PPP1R12B: variants seen among roughly 807,000 people sequenced by gnomAD.
PPP1R12B encodes the protein protein phosphatase 1 regulatory subunit 12B.
A neutral mutation model predicts 126.1 loss-of-function variants in PPP1R12B; 76 were observed. That is an observed-to-expected ratio of 0.60 (90% CI 0.50 to 0.73). The LOEUF is 0.73. PPP1R12B is among the 30% of genes least tolerant of loss of function. PPP1R12B has a pLI of 0.00. For missense variants in PPP1R12B, 1,052 were observed against 1,205.1 expected, an observed-to-expected ratio of 0.87 and a Z score of 1.88; for synonymous variants, 356 against 434.7, an observed-to-expected ratio of 0.82 and a Z score of 2.25.
intron 20 of PPP1R12B, among the ~76,000 whole-genome samples, chr1:202,563,309 A>T (rs1474744411): frequency 6.6e-6 from 1 of 152,020 alleles, no homozygotes; most frequent in African/African-American, 2.4e-5. Flanking sequence ...TGGAGATTGG[A>T]TCTCACTATA....
intron 13 of PPP1R12B, among the ~76,000 whole-genome samples, chr1:202,463,955 A>G (rs1341113907): frequency 6.6e-6 from 1 of 152,034 alleles, no homozygotes; most frequent in African/African-American, 2.4e-5. Context: ...GATTAGGCCT[A>G]TTTCCTGTAC....
chr1:202,411,214 C>G (rs1383173940), intron 1 of PPP1R12B, among the ~76,000 whole-genome samples: 1 of 150,220 alleles, frequency 6.7e-6, no homozygotes, highest in African/African-American at 2.5e-5. Context: ...CTATATGTCT[C>G]TCATCCATGC....
chr1:202,357,086 A>T lies in PPP1R12B; in HGVS notation c.291+7944A>T, dbSNP rs773986125. On this transcript the variant is annotated intron_variant, in intron 1 of 23. Coordinates refer to ENST00000608999, the MANE Select transcript of PPP1R12B (RefSeq NM_002481.4). ...ATCCACCCGCCTTGGCCTCCCAAGG[A>T]TTACAGGTGTGAGCCACTGGGGATT... is the stretch of plus-strand genomic sequence containing the variant. 3.3e-5 allele frequency among the ~76,000 whole-genome samples: 5 copies of T among 152,134 alleles called. 1 individual carries two copies. In the South Asian group the frequency reaches 1.0e-3, roughly 32 times the overall value.
At chr1:202,433,797 A>C (rs1007803668) in intron 8 of PPP1R12B, among the ~76,000 whole-genome samples, 1 of 152,114 alleles carries the variant, frequency 6.6e-6, no homozygotes, top group Admixed American at 6.5e-5. Context: ...CTTCTACCCC[A>C]CGACTGTTCT....
chr1:202,562,350 C>G (rs1687614843), intron 19 of PPP1R12B, among the ~76,000 whole-genome samples: 1 of 152,200 alleles, frequency 6.6e-6, no homozygotes, highest in South Asian at 2.1e-4. Context: ...TATTCAACCT[C>G]CAGCTCAGAT....
intron 22 of PPP1R12B, among the ~76,000 whole-genome samples, chr1:202,568,169 T>TAC (rs112151278): frequency 0.21 from 30,275 of 147,312 alleles, 3,079 homozygotes; most frequent in South Asian, 0.32. Flanking sequence ...AATCATTGCA[T>TAC]ACACACACAC....
intron 1 of PPP1R12B, among the ~76,000 whole-genome samples, chr1:202,382,647 G>T (rs554011603): frequency 1.3e-5 from 2 of 151,794 alleles, no homozygotes; most frequent in South Asian, 4.2e-4. Context: ...GAGGCTGAGG[G>T]GGGTGGATCA....
chr1:202,493,991 G>C (rs1266887175), intron 15 of PPP1R12B, among the ~76,000 whole-genome samples: 1 of 152,028 alleles, frequency 6.6e-6, no homozygotes, highest in Non-Finnish European at 1.5e-5. Flanking sequence ...TTATATTTAG[G>C]GTGAACATAA....
Position 202,442,487 on chromosome 1 carries a change from C to T in PPP1R12B, c.1582C>T (p.Arg528Trp), listed in dbSNP as rs149308182. The T allele has an allele frequency of 1.1e-5, 18 of 1,613,538 alleles. No homozygotes were observed. Among genetic ancestry groups the T allele is most frequent in the South Asian group, 2.2e-5 (2 of 91,018 alleles). ...TCTAGTGAGGAGTGGCTCCTATACCCGGCAGCTATGGAGGGATGAAGCAAA... is the reference window on the plus strand; with the variant it reads ...TCTAGTGAGGAGTGGCTCCTATACCTGGCAGCTATGGAGGGATGAAGCAAA... ...VNLVRSGSYT[R>W]QLWRDEAKGN... Residue 528 changes from arginine (R) to tryptophan (W), a missense_variant, in exon 12 of 24, where the codon CGG becomes TGG. Physicochemically the swap from Arg to Trp is moderately radical, Grantham distance 101. Coordinates refer to ENST00000608999, the MANE Select transcript of PPP1R12B (RefSeq NM_002481.4).
intron 13 of PPP1R12B, among the ~76,000 whole-genome samples, chr1:202,453,262 G>T (rs1240864440): frequency 6.6e-6 from 1 of 151,972 alleles, no homozygotes; most frequent in African/African-American, 2.4e-5. Flanking sequence ...CTTTCATTCT[G>T]TCAATATGAT....
chr1:202,470,902 T>C (rs1675775049), intron 13 of PPP1R12B, among the ~76,000 whole-genome samples: 2 of 118,498 alleles, frequency 1.7e-5, no homozygotes, highest in Admixed American at 1.0e-4. Flanking sequence ...CAAGACCTCA[T>C]CTCAAAAAAA....
intron 1 of PPP1R12B, among the ~76,000 whole-genome samples, chr1:202,400,872 T>G (rs987136863): frequency 6.6e-6 from 1 of 152,228 alleles, no homozygotes; most frequent in African/African-American, 2.4e-5. Context: ...ATTCAAACTT[T>G]CTGGCCAATG....
intron 18 of PPP1R12B, among the ~76,000 whole-genome samples, chr1:202,515,017 T>C (rs1451125836): frequency 6.6e-6 from 1 of 152,188 alleles, no homozygotes; most frequent in Non-Finnish European, 1.5e-5. Flanking sequence ...CTGGAAGCCA[T>C]TATCCTTAGC....
In PPP1R12B at chr1:202,421,589, G is replaced by A. The variant is rs1558203271; in HGVS notation, c.423-1031G>A. On this transcript the variant is annotated intron_variant, in intron 2 of 23. Coordinates refer to ENST00000608999, the MANE Select transcript of PPP1R12B (RefSeq NM_002481.4). ...TGGAACGTGGAGGTTGCAGTGAGCCGAGATCGCACCATTGCACTCCAGCCT... is the reference window on the plus strand; with the variant it reads ...TGGAACGTGGAGGTTGCAGTGAGCCAAGATCGCACCATTGCACTCCAGCCT... 4.0e-5 allele frequency among the ~76,000 whole-genome samples: 6 copies of A among 150,444 alleles called. 1 individual carries two copies. In the South Asian group the frequency reaches 1.3e-3, roughly 32 times the overall value.
At chr1:202,456,704 ACT>A (rs1462780562) in intron 13 of PPP1R12B, among the ~76,000 whole-genome samples, 2 of 152,174 alleles carry the variant, frequency 1.3e-5, no homozygotes, top group Non-Finnish European at 2.9e-5. Flanking sequence ...AGGGCAGATG[ACT>A]CACTTGTGAG....
chr1:202,437,529 G>A (rs1157426109), intron 9 of PPP1R12B, among the ~76,000 whole-genome samples: 2 of 152,110 alleles, frequency 1.3e-5, no homozygotes, highest in African/African-American at 4.8e-5. Context: ...GGTGTTCCAG[G>A]TCATTATTAA....
In PPP1R12B at chr1:202,399,033, A is replaced by G. The variant is rs12402919; in HGVS notation, c.292-17754A>G. On this transcript the variant is annotated intron_variant, in intron 1 of 23. Transcript: ENST00000608999. ...GGAGATGAGCTTTTGAATCTCTAAA[A>G]CCTAGTGTTGTGATTATCAATGTGT... is the stretch of plus-strand genomic sequence containing the variant. Among the ~76,000 whole-genome samples the G allele has an allele frequency of 5.8e-3, 876 of 152,196 alleles. 40 individuals carry two copies. Among genetic ancestry groups the G allele is most frequent in the Admixed American group, 0.053 (815 of 15,278 alleles).
At chr1:202,403,642 C>T (rs2148570813) in intron 1 of PPP1R12B, among the ~76,000 whole-genome samples, 1 of 152,316 alleles carries the variant, frequency 6.6e-6, no homozygotes, top group East Asian at 1.9e-4. Flanking sequence ...ACTGATTTCT[C>T]TAGGCTCACT....
intron 18 of PPP1R12B, among the ~76,000 whole-genome samples, chr1:202,532,196 C>T (rs1297091415): frequency 6.6e-6 from 1 of 152,150 alleles, no homozygotes; most frequent in Non-Finnish European, 1.5e-5. Flanking sequence ...GGGAGTGTCT[C>T]TTAGCATGCT....
Sources: gnomAD v4.1 joint callset for allele counts (sites outside exome capture counted in the v4.1 genomes callset) on GRCh38, gnomAD v4.1.1 for gene constraint, MANE v1.5 for transcripts, NCBI Gene and HGNC (gene_info 2026-07-23, HGNC 2026-07-21) for gene names.